The following RAPGEF6 variants were observed in gnomAD, a reference collection of about 807,000 sequenced individuals.
RAPGEF6 encodes the protein PDZ domain containing guanine nucleotide exchange factor (GEF) 2.
RAPGEF6 carries 56 observed loss-of-function variants against 171.4 expected under a neutral mutation model. That is an observed-to-expected ratio of 0.33 (90% CI 0.26 to 0.41). The LOEUF (loss-of-function observed/expected upper bound fraction) is 0.41, where lower values mean the gene tolerates loss of function less well. RAPGEF6 is among the 10% of genes least tolerant of loss of function. RAPGEF6 has a pLI of 1.00. For synonymous variants in RAPGEF6, 692 were observed against 650.1 expected (o/e 1.06, Z -0.98); for missense variants, 1,674 against 1,921.4 (o/e 0.87, Z 2.41).
At chr5:131,628,535 A>T (rs1456939086) in intron 1 of RAPGEF6, among the ~76,000 whole-genome samples, 1 of 152,222 alleles carries the variant, frequency 6.6e-6, no homozygotes, top group African/African-American at 2.4e-5. Flanking sequence ...AGTTATCCTG[A>T]AGATCTAGCT....
At chr5:131,540,476 C>T (rs1421313343) in intron 6 of RAPGEF6, among the ~76,000 whole-genome samples, 2 of 152,184 alleles carry the variant, frequency 1.3e-5, no homozygotes, top group African/African-American at 4.8e-5. Context: ...TAAGGCAGGT[C>T]GTTAGAGCCC....
chr5:131,622,954 T>G (rs571344051), intron 1 of RAPGEF6, among the ~76,000 whole-genome samples: 1 of 152,322 alleles, frequency 6.6e-6, no homozygotes, highest in East Asian at 1.9e-4. Flanking sequence ...TGAAGACCAT[T>G]TTTCTAAATT....
rs775174629 is a variant in RAPGEF6 at position 131,498,524 on chromosome 5, A to G, written c.1338T>C (p.Thr446=). ...DPTYIEDFLL[T]YRTFLESPLD... ...AAGGACTTTCAAGAAATGTCCTGTA[A>G]GTTAATAGAAAATCTTCTATATAAG... is the stretch of plus-strand genomic sequence containing the variant. The change falls in exon 12 of 28, where the codon ACT becomes ACC. Residue 446 remains threonine, a synonymous_variant. Coordinates refer to ENST00000509018, the MANE Select transcript of RAPGEF6 (RefSeq NM_016340.6). 1 of 1,613,764 alleles carries G rather than the reference A, an allele frequency of 6.2e-7. No individual in the cohort carries two copies. Among genetic ancestry groups the G allele is most frequent in the African/African-American group, 1.3e-5 (1 of 75,050 alleles).
chr5:131,608,212 C>A (rs1474275044), intron 1 of RAPGEF6, among the ~76,000 whole-genome samples: 2 of 152,158 alleles, frequency 1.3e-5, no homozygotes, highest in Admixed American at 6.5e-5. Context: ...TAAGAAAAAT[C>A]ATCTGGGCCA....
At chr5:131,516,276 G>T (rs1758079057) in intron 7 of RAPGEF6, among the ~76,000 whole-genome samples, 2 of 151,818 alleles carry the variant, frequency 1.3e-5, no homozygotes, top group Admixed American at 1.3e-4. Context: ...TAGAGATGGG[G>T]TTTTGCTATG....
intron 4 of RAPGEF6, among the ~76,000 whole-genome samples, chr5:131,579,219 G>C (rs1374188407): frequency 6.6e-6 from 1 of 152,166 alleles, no homozygotes; most frequent in Non-Finnish European, 1.5e-5. Context: ...GGTCTTGCTG[G>C]CCTCAGGAGT....
At chr5:131,544,304 T>C (rs1760358119) in intron 6 of RAPGEF6, among the ~76,000 whole-genome samples, 1 of 152,154 alleles carries the variant, frequency 6.6e-6, no homozygotes, top group South Asian at 2.1e-4. Context: ...ATCCAAATAT[T>C]CATAAACAGG....
intron 15 of RAPGEF6, among the ~76,000 whole-genome samples, chr5:131,489,023 A>C (rs1237855929): frequency 1.3e-5 from 2 of 152,216 alleles, no homozygotes; most frequent in African/African-American, 4.8e-5. Context: ...CAACAGAGGC[A>C]CTGTAATCAT....
intron 22 of RAPGEF6, among the ~76,000 whole-genome samples, chr5:131,445,450 T>C (rs909481661): frequency 1.1e-4 from 16 of 150,350 alleles, no homozygotes; most frequent in African/African-American, 4.0e-4. Context: ...AACTTTGAAA[T>C]AAAATTCTAT....
chr5:131,461,023 T>G (rs970139869), intron 19 of RAPGEF6, among the ~76,000 whole-genome samples: 8 of 152,208 alleles, frequency 5.3e-5, no homozygotes, highest in African/African-American at 1.9e-4. Context: ...AGAATCCCTT[T>G]GTTGATCTAC....
chr5:131,596,213 A>G (rs575323831), intron 3 of RAPGEF6, among the ~76,000 whole-genome samples: 55 of 115,728 alleles, frequency 4.8e-4, no homozygotes, highest in African/African-American at 1.3e-3. Context: ...TGGAAAGCCA[A>G]AGCAAACAGG....
chr5:131,607,456 A>ATTACT (rs1764671632), intron 1 of RAPGEF6, among the ~76,000 whole-genome samples: 1 of 152,166 alleles, frequency 6.6e-6, no homozygotes, highest in Non-Finnish European at 1.5e-5. Context: ...GTTACTTTCC[A>ATTACT]TTACTTTACT....
intron 1 of RAPGEF6, among the ~76,000 whole-genome samples, chr5:131,606,837 C>G (rs746810363): frequency 5.9e-5 from 9 of 152,168 alleles, no homozygotes; most frequent in Admixed American, 5.9e-4. Flanking sequence ...TGGAATAACA[C>G]CAAGGTACTA....
At chr5:131,632,931 T>C (rs1203370001) in intron 1 of RAPGEF6, among the ~76,000 whole-genome samples, 1 of 152,214 alleles carries the variant, frequency 6.6e-6, no homozygotes, top group Non-Finnish European at 1.5e-5. Context: ...TGTTTAGCAT[T>C]CCCTTGAACA....
At chr5:131,587,499 C>T (rs1763321208) in intron 4 of RAPGEF6, among the ~76,000 whole-genome samples, 1 of 152,068 alleles carries the variant, frequency 6.6e-6, no homozygotes, top group African/African-American at 2.4e-5. Flanking sequence ...GACAAACATT[C>T]AATGTATAGT....
intron 7 of RAPGEF6, among the ~76,000 whole-genome samples, chr5:131,519,425 A>G (rs778625776): frequency 4.5e-4 from 68 of 152,136 alleles, no homozygotes; most frequent in Admixed American, 2.7e-3. Flanking sequence ...TTTTTGAGAC[A>G]GAGTCTTGCT....
intron 13 of RAPGEF6, among the ~76,000 whole-genome samples, chr5:131,493,784 T>C (rs1756452454): frequency 1.3e-5 from 2 of 152,068 alleles, no homozygotes; most frequent in South Asian, 4.1e-4. Flanking sequence ...AACTGATTAC[T>C]GGAAAAAAAA....
At chr5:131,439,948 T>C in intron 23 of RAPGEF6, 1 of 678,886 alleles carries the variant, frequency 1.5e-6, no homozygotes, top group Non-Finnish European at 2.3e-6. Flanking sequence ...TATTAGTTTG[T>C]CTGCACTTTG....
At chr5:131,529,321 CA>C (rs1759205261) in intron 6 of RAPGEF6, among the ~76,000 whole-genome samples, 3 of 151,780 alleles carry the variant, frequency 2.0e-5, no homozygotes, top group Non-Finnish European at 4.4e-5. Context: ...ACTAAAAACA[CA>C]AAAATTAGCC....
Sources: gnomAD v4.1 joint callset for allele counts (sites outside exome capture counted in the v4.1 genomes callset) on GRCh38, gnomAD v4.1.1 for gene constraint, MANE v1.5 for transcripts, NCBI Gene and HGNC (gene_info 2026-07-23, HGNC 2026-07-21) for gene names.